Variants in ABCA12 observed in about 807,000 individuals in gnomAD.
ABCA12 encodes the protein ATP binding cassette subfamily A member 12.
Under a neutral mutation model 293.5 loss-of-function variants are expected in ABCA12, and 156 were observed. The observed-to-expected ratio is 0.53, with a 90% CI of 0.47 to 0.61. The LOEUF (loss-of-function observed/expected upper bound fraction) is 0.61. Among genes scored for constraint, ABCA12 ranks in the 20% least tolerant of loss-of-function variants. The pLI, the probability that ABCA12 is intolerant of heterozygous loss-of-function variation, is 0.00. For missense variants in ABCA12, 2,797 were observed against 3,090.2 expected (o/e 0.91, Z 2.25); for synonymous variants, 1,063 against 1,108.0 (o/e 0.96, Z 0.81).
intron 2 of ABCA12, among the ~76,000 whole-genome samples, chr2:215,079,888 G>T (rs1701903961): frequency 1.3e-5 from 2 of 152,164 alleles, no homozygotes; most frequent in Non-Finnish European, 1.5e-5. Context: ...ATTAAATTTA[G>T]ATATATCGAC....
At chr2:215,006,388 C>T (rs1188004608) in intron 19 of ABCA12, among the ~76,000 whole-genome samples, 2 of 151,814 alleles carry the variant, frequency 1.3e-5, no homozygotes, top group African/African-American at 4.8e-5. Flanking sequence ...AGAATTAGAA[C>T]CAAAAATTAA....
At chr2:215,133,532 T>C (rs1325272181) in intron 1 of ABCA12, among the ~76,000 whole-genome samples, 1 of 152,030 alleles carries the variant, frequency 6.6e-6, no homozygotes, top group Non-Finnish European at 1.5e-5. Context: ...CTCTTCCCTG[T>C]CATTAACTAG....
At chr2:215,093,142 T>A (rs1702182061) in intron 2 of ABCA12, among the ~76,000 whole-genome samples, 1 of 152,128 alleles carries the variant, frequency 6.6e-6, no homozygotes, top group African/African-American at 2.4e-5. Flanking sequence ...CATATCCCCC[T>A]CCAAAGCCCA....
intron 1 of ABCA12, among the ~76,000 whole-genome samples, chr2:215,112,647 G>A (rs771085813): frequency 2.6e-5 from 4 of 151,750 alleles, no homozygotes; most frequent in East Asian, 1.9e-4. Context: ...ACAGGCACCC[G>A]CCACCACGCC....
At chr2:214,965,480 T>A (rs1188311147) in intron 39 of ABCA12, among the ~76,000 whole-genome samples, 1 of 152,104 alleles carries the variant, frequency 6.6e-6, no homozygotes, top group African/African-American at 2.4e-5. Context: ...TTGCCATCTG[T>A]CTCTCTGACA....
At position 214,932,699 on chromosome 2, in the gene ABCA12, C is replaced by A. The variant is rs753695377; in HGVS notation, c.7723G>T (p.Ala2575Ser). The A allele has an allele frequency of 6.2e-7, 1 of 1,613,632 alleles. No homozygotes were observed. The highest frequency in any genetic ancestry group is 8.5e-7 in the Non-Finnish European group (1 of 1,179,756). ...GTGGAACCTTGGCTGCTGGTATCAGCAGTTTCATAGGACTTCTGGTCTTTG... is the reference window on the plus strand; with the variant it reads ...GTGGAACCTTGGCTGCTGGTATCAGAAGTTTCATAGGACTTCTGGTCTTTG... ...FAKDQKSYET[A>S]DTSSQGSTIS... Residue 2575 changes from alanine to serine, a missense_variant, in exon 53 of 53, where the codon GCT (alanine) becomes TCT (serine). Physicochemically the swap from Ala to Ser is moderately conservative, Grantham distance 99. Around this residue, in one of 3 missense-constraint regions of ABCA12, gnomAD observed 2,130 missense variants for 2,427.0 expected, o/e 0.88. Transcript: ENST00000272895.
rs1317860567 is a variant in ABCA12 at position 214,978,333 on chromosome 2, T to C, written c.5111A>G (p.Asn1704Ser). ...ATTCATACCATCTCTGTCTGTGAAATTGCTGCTGCTCACAGATAAATCGTC... is the reference window on the plus strand; with the variant it reads ...ATTCATACCATCTCTGTCTGTGAAACTGCTGCTGCTCACAGATAAATCGTC... ...TPDDLSVSSS[N>S]FTDRDDKILT... is the part of the protein sequence containing the mutation. The change falls in exon 33 of 53, where the codon AAT becomes AGT. Residue 1704 changes from asparagine (N) to serine (S), a missense_variant. Asn to Ser is a conservative substitution (Grantham distance 46, BLOSUM62 1). This residue lies in a region of ABCA12 where 2,130 missense variants were observed against 2,427.0 expected (regional missense o/e 0.88). Transcript: ENST00000272895. The C allele has an allele frequency of 1.4e-5, 22 of 1,614,046 alleles. No homozygotes were observed. The highest frequency in any genetic ancestry group is 1.8e-5 in the Non-Finnish European group (21 of 1,179,962).
chr2:215,049,601 T>C (rs1701276500), intron 6 of ABCA12, 25 bp downstream of exon 6: 6 of 1,575,800 alleles, frequency 3.8e-6, no homozygotes, highest in Non-Finnish European at 4.3e-6. Flanking sequence ...TTGAGTCACT[T>C]TGTGGATCAA....
chr2:214,932,705 C>T lies in ABCA12; in HGVS notation c.7717G>A (p.Glu2573Lys). ...INFAKDQKSY[E>K]TADTSSQGST... is the part of the protein sequence containing the mutation. ...CCTTGGCTGCTGGTATCAGCAGTTTCATAGGACTTCTGGTCTTTGGCAAAG... is the reference window on the plus strand; with the variant it reads ...CCTTGGCTGCTGGTATCAGCAGTTTTATAGGACTTCTGGTCTTTGGCAAAG... Residue 2573 changes from glutamate (E) to lysine (K), a missense_variant, in exon 53 of 53, where the codon GAA becomes AAA. Physicochemically the swap from Glu to Lys is moderately conservative, Grantham distance 56. Coordinates refer to ENST00000272895, the MANE Select transcript of ABCA12 (RefSeq NM_173076.3). 6.2e-7 allele frequency: 1 copy of T among 1,613,576 alleles called. No individual in the cohort carries two copies. The highest frequency in any genetic ancestry group is 8.5e-7 in the Non-Finnish European group (1 of 1,179,726).
At chr2:214,945,704 C>G (rs1698560935) in intron 48 of ABCA12, among the ~76,000 whole-genome samples, 1 of 152,048 alleles carries the variant, frequency 6.6e-6, no homozygotes, top group Non-Finnish European at 1.5e-5. Context: ...AGTAGATAAT[C>G]TAAACATACA....
rs115931602 is a variant in ABCA12, at chr2:215,107,970, G to A, written c.163+3627C>T. 6.4e-3 allele frequency among the ~76,000 whole-genome samples: 972 copies of A among 152,244 alleles called. 4 individuals carry two copies. The highest frequency in any genetic ancestry group is 8.8e-3 in the Non-Finnish European group (601 of 68,002). ...CTTGCTCTTGCTGCTGACTTTTCCC[G>A]TGGTATGTTTTCAAGGAAGTGAGGG... On this transcript the variant is annotated intron_variant, in intron 2 of 52. Transcript: ENST00000272895.
rs764994485 is a variant in ABCA12 at position 214,982,275 on chromosome 2, T to A, written c.4491A>T (p.Ser1497=). The A allele has an allele frequency of 1.2e-6, 2 of 1,614,064 alleles. No homozygotes were observed. Among genetic ancestry groups the A allele is most frequent in the African/African-American group, 2.7e-5 (2 of 75,026 alleles). ...LSISIALIGG[S]RVVILDEPST... ...ATGGTTCATCCAAAATTACTACCCTTGATCCACCAATGAGAGCTATGGATA... is the reference window on the plus strand; with the variant it reads ...ATGGTTCATCCAAAATTACTACCCTAGATCCACCAATGAGAGCTATGGATA... Residue 1497 remains serine (S), a synonymous_variant, in exon 30 of 53, where the codon TCA becomes TCT. Transcript: ENST00000272895.
intron 2 of ABCA12, among the ~76,000 whole-genome samples, chr2:215,108,418 C>T (rs1421725360): frequency 6.6e-6 from 1 of 152,144 alleles, no homozygotes; most frequent in Non-Finnish European, 1.5e-5. Context: ...GTACTGACTA[C>T]TAGATGTAAG....
At chr2:215,033,896 A>C (rs755431464) in intron 8 of ABCA12, among the ~76,000 whole-genome samples, 37 of 152,106 alleles carry the variant, frequency 2.4e-4, no homozygotes, top group Non-Finnish European at 4.3e-4. Flanking sequence ...AGCCGAGATC[A>C]TGCCACTGCA....
At chr2:214,963,339 C>G (rs1490889030) in intron 39 of ABCA12, 1 of 151,988 alleles carries the variant, frequency 6.6e-6, no homozygotes, top group Non-Finnish European at 1.5e-5. Flanking sequence ...TTTCTGGACA[C>G]ATATACCCTC....
intron 45 of ABCA12, among the ~76,000 whole-genome samples, 195 bp downstream of exon 45, chr2:214,950,684 C>T (rs4672739): frequency 0.5 from 75,893 of 151,242 alleles, 20,088 homozygotes; most frequent in African/African-American, 0.69. Context: ...TTTCTATTTT[C>T]AGTAGAGACG....
chr2:214,999,466 G>A (rs749760974), intron 22 of ABCA12, among the ~76,000 whole-genome samples: 7 of 152,178 alleles, frequency 4.6e-5, no homozygotes, highest in Non-Finnish European at 8.8e-5. Context: ...ACATTATGAG[G>A]TTGTTGGGTG....
At chr2:214,996,572 C>T (rs1700037236) in intron 23 of ABCA12, among the ~76,000 whole-genome samples, 1 of 152,018 alleles carries the variant, frequency 6.6e-6, no homozygotes, top group Non-Finnish European at 1.5e-5. Context: ...ATTAGAAAAC[C>T]ATTGCATACA....
At chr2:214,935,108 C>A (rs1041131177) in intron 51 of ABCA12, among the ~76,000 whole-genome samples, 1 of 152,168 alleles carries the variant, frequency 6.6e-6, no homozygotes, top group Non-Finnish European at 1.5e-5. Context: ...CTTCTCCTCC[C>A]GCTTTGTGCA....
Sources: gnomAD v4.1 joint callset for allele counts (sites outside exome capture counted in the v4.1 genomes callset) on GRCh38, gnomAD v4.1.1 for gene constraint, gnomAD v4.1.1 regional missense constraint, MANE v1.5 for transcripts, NCBI Gene and HGNC (gene_info 2026-07-23, HGNC 2026-07-21) for gene names.